The following ADCY2 variants were observed in gnomAD, a reference collection of about 807,000 sequenced individuals.
The protein encoded by ADCY2 is adenylate cyclase type 2.
ADCY2 carries 31 observed loss-of-function variants against 125.2 expected under a neutral mutation model. That is an observed-to-expected ratio of 0.25 (90% CI 0.19 to 0.33). The LOEUF (loss-of-function observed/expected upper bound fraction) is 0.33. Among genes scored for constraint, ADCY2 ranks in the 10% least tolerant of loss-of-function variants. ADCY2 has a pLI of 1.00. For missense variants in ADCY2, 904 were observed against 1,418.2 expected (o/e 0.64, Z 5.82); for synonymous variants, 512 against 548.4 (o/e 0.93, Z 0.93).
Position 7,535,882 on chromosome 5 carries a change from G to A in ADCY2, c.570+14983G>A, listed in dbSNP as rs74981281. 1.0e-3 allele frequency among the ~76,000 whole-genome samples: 156 copies of A among 152,298 alleles called. 1 individual carries two copies. The East Asian group carries it at 0.019, about 18-fold the overall frequency. On this transcript the variant is annotated intron_variant, in intron 3 of 24. Coordinates refer to ENST00000338316, the MANE Select transcript of ADCY2 (RefSeq NM_020546.3). ...GTGTGTGATTCCAAGCAGCCCCCGC[G>A]ATGTTTGTCTCTGGAACAATAGAGA... is the stretch of plus-strand genomic sequence containing the variant.
At chr5:7,402,535 A>G (rs953225126) in intron 1 of ADCY2, among the ~76,000 whole-genome samples, 10 of 152,144 alleles carry the variant, frequency 6.6e-5, no homozygotes, top group Non-Finnish European at 1.0e-4. Context: ...CTCAACCGAA[A>G]AAACCATTGT....
chr5:7,610,079 A>G (rs902390928), intron 3 of ADCY2, among the ~76,000 whole-genome samples: 5 of 152,218 alleles, frequency 3.3e-5, no homozygotes, highest in African/African-American at 1.2e-4. Flanking sequence ...GGATACTTTC[A>G]TAAGAAACAT....
At chr5:7,809,792 T>C (rs945490033) in intron 22 of ADCY2, among the ~76,000 whole-genome samples, 1 of 152,250 alleles carries the variant, frequency 6.6e-6, no homozygotes, top group African/African-American at 2.4e-5. Flanking sequence ...TCATTTGTAC[T>C]TTTTAAATGA....
At chr5:7,507,643 T>G (rs1488848644) in intron 2 of ADCY2, among the ~76,000 whole-genome samples, 1 of 152,172 alleles carries the variant, frequency 6.6e-6, no homozygotes, top group Non-Finnish European at 1.5e-5. Context: ...TAAACTTTCT[T>G]TCTTTGCATT....
chr5:7,656,744 G>A (rs779491208), intron 4 of ADCY2, among the ~76,000 whole-genome samples: 3 of 152,192 alleles, frequency 2.0e-5, no homozygotes, highest in Non-Finnish European at 4.4e-5. Flanking sequence ...GCAGATGTGC[G>A]ATTGTAATCC....
At chr5:7,699,702 C>T (rs978147241) in intron 7 of ADCY2, among the ~76,000 whole-genome samples, 16 of 152,158 alleles carry the variant, frequency 1.1e-4, no homozygotes, top group African/African-American at 3.6e-4. Flanking sequence ...ATCTGCCCAC[C>T]TCAGCTTCCC....
chr5:7,692,671 A>G (rs1704766733), intron 5 of ADCY2, among the ~76,000 whole-genome samples: 1 of 152,038 alleles, frequency 6.6e-6, no homozygotes, highest in African/African-American at 2.4e-5. Flanking sequence ...CTTTTTGACC[A>G]CTCACGTGTA....
At position 7,733,384 on chromosome 5, in the gene ADCY2, G is replaced by C. The variant is rs139036196; in HGVS notation, c.1871+6123G>C. On this transcript the variant is annotated intron_variant, in intron 14 of 24. Transcript: ENST00000338316. ...AGTCTCGCTGCGGGATTAGATATAAGGAGTTGAGAAAGTAAGTTTTGCAGG... is the reference window on the plus strand; with the variant it reads ...AGTCTCGCTGCGGGATTAGATATAACGAGTTGAGAAAGTAAGTTTTGCAGG... Among the ~76,000 whole-genome samples the C allele has an allele frequency of 1.1e-3, 168 of 152,212 alleles. 1 individual carries two copies. The highest frequency in any genetic ancestry group is 3.9e-3 in the African/African-American group (162 of 41,522).
intron 15 of ADCY2, among the ~76,000 whole-genome samples, chr5:7,756,255 T>A (rs1742987665): frequency 6.6e-6 from 1 of 152,240 alleles, no homozygotes; most frequent in Non-Finnish European, 1.5e-5. Context: ...ATGGTGAGAA[T>A]CCTTGGAAAG....
intron 2 of ADCY2, among the ~76,000 whole-genome samples, chr5:7,478,123 T>A (rs1269523614): frequency 1.3e-5 from 2 of 152,238 alleles, no homozygotes; most frequent in African/African-American, 4.8e-5. Flanking sequence ...TATCGCAGAC[T>A]CAGGGCTTAT....
chr5:7,668,133 A>G (rs10076838), intron 4 of ADCY2, among the ~76,000 whole-genome samples: 2,945 of 152,366 alleles, frequency 0.019, 104 homozygotes, highest in African/African-American at 0.067. Context: ...TAATGTGTCA[A>G]TTTGGGTAGG....
chr5:7,490,655 GCATGCATGCACACACACA>G (rs968557069), intron 2 of ADCY2, among the ~76,000 whole-genome samples: 5 of 151,650 alleles, frequency 3.3e-5, no homozygotes, highest in African/African-American at 7.3e-5. Context: ...ACACACACAT[GCATGCATGCACACACACA>G]CATGCATGCA....
intron 20 of ADCY2, chr5:7,797,180 T>C (rs2126515012): frequency 6.6e-6 from 1 of 152,364 alleles, no homozygotes; most frequent in Non-Finnish European, 1.5e-5. Flanking sequence ...GCTTCTGTGC[T>C]TTCTAGTCAT....
chr5:7,693,625 G>A, intron 5 of ADCY2, among the ~76,000 whole-genome samples: 1 of 152,134 alleles, frequency 6.6e-6, no homozygotes, highest in Non-Finnish European at 1.5e-5. Context: ...GGTTCGCCAT[G>A]TTGGCCAGGC....
intron 22 of ADCY2, among the ~76,000 whole-genome samples, chr5:7,813,270 G>A (rs138773125): frequency 5.2e-4 from 79 of 152,302 alleles, no homozygotes; most frequent in African/African-American, 1.9e-3. Context: ...CCAGACACAT[G>A]ACAAATGCTC....
chr5:7,554,107 C>T (rs1441037372), intron 3 of ADCY2, among the ~76,000 whole-genome samples: 1 of 152,132 alleles, frequency 6.6e-6, no homozygotes, highest in Non-Finnish European at 1.5e-5. Context: ...TTTAAATAAA[C>T]AGACAAGCAA....
intron 3 of ADCY2, among the ~76,000 whole-genome samples, chr5:7,544,691 G>A (rs1345046609): frequency 3.9e-5 from 6 of 152,202 alleles, no homozygotes; most frequent in African/African-American, 7.2e-5. Flanking sequence ...GGATTAGAAC[G>A]TGGACATCTT....
At chr5:7,414,792 T>C in intron 2 of ADCY2, 22 bp downstream of exon 2, 1 of 1,584,182 alleles carries the variant, frequency 6.3e-7, no homozygotes, top group Non-Finnish European at 8.6e-7. Context: ...AAATATTTTT[T>C]GTACTTCTTT....
chr5:7,700,283 GACTAGCT>G (rs1741035676), intron 7 of ADCY2, among the ~76,000 whole-genome samples: 1 of 152,054 alleles, frequency 6.6e-6, no homozygotes, highest in Non-Finnish European at 1.5e-5. Flanking sequence ...CATTACCATT[GACTAGCT>G]ACAAAGTAAA....
Sources: gnomAD v4.1 joint callset for allele counts (sites outside exome capture counted in the v4.1 genomes callset) on GRCh38, gnomAD v4.1.1 for gene constraint, MANE v1.5 for transcripts, NCBI Gene and HGNC (gene_info 2026-07-23, HGNC 2026-07-21) for gene names.